DEPDC1B: variants seen among roughly 807,000 people sequenced by gnomAD.
DEPDC1B encodes DEP domain-containing protein 1B.
A neutral mutation model predicts 66.5 loss-of-function variants in DEPDC1B; 51 were observed. The ratio of observed to expected loss-of-function variants is 0.77; its 90% CI spans 0.61 to 0.97. The LOEUF (loss-of-function observed/expected upper bound fraction) is 0.97. Among genes scored for constraint, DEPDC1B ranks in the 50% least tolerant of loss-of-function variants. DEPDC1B has a pLI of 0.00. For synonymous variants in DEPDC1B, 226 were observed against 223.6 expected (o/e 1.01, Z -0.10); for missense variants, 552 against 637.1 (o/e 0.87, Z 1.44).
intron 2 of DEPDC1B, among the ~76,000 whole-genome samples, chr5:60,659,779 A>G (rs954356367): frequency 2.6e-5 from 4 of 152,116 alleles, no homozygotes; most frequent in African/African-American, 9.7e-5. Flanking sequence ...CTAGGTACTA[A>G]TGGTTCAGAC....
chr5:60,627,486 G>A (rs1314485564), intron 7 of DEPDC1B, among the ~76,000 whole-genome samples: 1 of 150,468 alleles, frequency 6.6e-6, no homozygotes, highest in Non-Finnish European at 1.5e-5. Context: ...TTATTATTTG[G>A]GTTCATTTCA....
rs568021171 is a variant in DEPDC1B, at chr5:60,653,963, T to C, written c.315-6430A>G. Among the ~76,000 whole-genome samples, 8 of 149,464 alleles carry C rather than the reference T, an allele frequency of 5.4e-5. 1 individual carries two copies. Among genetic ancestry groups the C allele is most frequent in the African/African-American group, 2.0e-4 (8 of 39,824 alleles). On this transcript the variant is annotated intron_variant, in intron 2 of 10. Coordinates refer to ENST00000265036, the MANE Select transcript of DEPDC1B (RefSeq NM_018369.3). ...TTCTCTATTCTGTTCCATTGCTCTA[T>C]GTGCCTATTTTCACAGCAATACCAT...
intron 2 of DEPDC1B, among the ~76,000 whole-genome samples, chr5:60,666,573 T>C (rs1451242885): frequency 6.6e-6 from 1 of 152,176 alleles, no homozygotes; most frequent in African/African-American, 2.4e-5. Flanking sequence ...TACTGGGCTC[T>C]GGACTGGTAC....
In DEPDC1B at chr5:60,700,098, C is replaced by T. The variant is rs1754754650; in HGVS notation, c.-5G>A. 1 of 1,551,706 alleles carries T rather than the reference C, an allele frequency of 6.4e-7. No homozygotes were observed. Among genetic ancestry groups the T allele is most frequent in the East Asian group, 2.4e-5 (1 of 41,210 alleles). On this transcript the variant is annotated 5_prime_UTR_variant, in exon 1 of 11. Coordinates refer to ENST00000265036, the MANE Select transcript of DEPDC1B (RefSeq NM_018369.3). Reference sequence around the variant, plus strand: ...CCCCACGATGCGATGCTCCATGGCGCGTAGGCAGCAGCGGCCGCAGCCGCG... The same window carrying T: ...CCCCACGATGCGATGCTCCATGGCGTGTAGGCAGCAGCGGCCGCAGCCGCG...
chr5:60,601,630 G>A (rs1261769393), intron 9 of DEPDC1B, among the ~76,000 whole-genome samples: 1 of 152,036 alleles, frequency 6.6e-6, no homozygotes, highest in East Asian at 1.9e-4. Context: ...GGGAAAGCAT[G>A]AAAACAATCT....
intron 1 of DEPDC1B, among the ~76,000 whole-genome samples, chr5:60,696,332 G>A (rs905494414): frequency 1.3e-5 from 2 of 152,066 alleles, no homozygotes; most frequent in East Asian, 3.8e-4. Context: ...TTTAAAAAGA[G>A]CATTTATAAA....
chr5:60,665,525 C>A (rs1048989901), intron 2 of DEPDC1B, among the ~76,000 whole-genome samples: 2 of 152,176 alleles, frequency 1.3e-5, no homozygotes, highest in African/African-American at 4.8e-5. Context: ...TACCGCAGGA[C>A]CCCTGGACCG....
At chr5:60,641,172 G>A (rs1273523933) in intron 6 of DEPDC1B, among the ~76,000 whole-genome samples, 1 of 152,080 alleles carries the variant, frequency 6.6e-6, no homozygotes, top group East Asian at 1.9e-4. Flanking sequence ...TAAGCTTTCT[G>A]CAGAAATTTT....
chr5:60,699,993 G>A, intron 1 of DEPDC1B, 53 bp downstream of exon 1: 1 of 1,542,682 alleles, frequency 6.5e-7, no homozygotes, highest in Non-Finnish European at 8.7e-7. Context: ...CGCGCGCTGA[G>A]TGGGGGCTCG....
chr5:60,604,658 T>C (rs1489121505), intron 8 of DEPDC1B, among the ~76,000 whole-genome samples: 2 of 152,156 alleles, frequency 1.3e-5, no homozygotes, highest in African/African-American at 4.8e-5. Flanking sequence ...TAACACTTCA[T>C]TAACACACTG....
intron 2 of DEPDC1B, among the ~76,000 whole-genome samples, chr5:60,656,184 G>A (rs997661761): frequency 1.0e-4 from 15 of 144,558 alleles, no homozygotes; most frequent in African/African-American, 2.0e-4. Flanking sequence ...TTTTTGAGAC[G>A]GAGTCTCACT....
intron 2 of DEPDC1B, among the ~76,000 whole-genome samples, chr5:60,656,153 A>C (rs1305211297): frequency 7.0e-6 from 1 of 142,964 alleles, no homozygotes; most frequent in Non-Finnish European, 1.5e-5. Flanking sequence ...GGTATAGTTT[A>C]AGTCCATTTT....
chr5:60,625,357 C>T (rs1249605806), intron 7 of DEPDC1B, among the ~76,000 whole-genome samples: 1 of 152,164 alleles, frequency 6.6e-6, no homozygotes, highest in African/African-American at 2.4e-5. Flanking sequence ...TACACTTCCA[C>T]CAACAGTGTA....
intron 7 of DEPDC1B, among the ~76,000 whole-genome samples, chr5:60,615,002 A>C: frequency 6.6e-6 from 1 of 152,184 alleles, no homozygotes; most frequent in South Asian, 2.1e-4. Context: ...AAAATAAATA[A>C]ATGAATAAAT....
intron 2 of DEPDC1B, among the ~76,000 whole-genome samples, chr5:60,655,857 C>T (rs563461633): frequency 2.7e-5 from 4 of 149,022 alleles, no homozygotes; most frequent in South Asian, 2.2e-4. Context: ...ATTTCCATCT[C>T]GATTTTGTTA....
chr5:60,661,080 T>C (rs1753704342), intron 2 of DEPDC1B, among the ~76,000 whole-genome samples: 1 of 152,230 alleles, frequency 6.6e-6, no homozygotes, highest in African/African-American at 2.4e-5. Context: ...AAAGGTTACC[T>C]ACACCCTCTC....
chr5:60,610,175 G>A (rs994204594), intron 7 of DEPDC1B, among the ~76,000 whole-genome samples: 2 of 152,212 alleles, frequency 1.3e-5, no homozygotes, highest in East Asian at 3.8e-4. Flanking sequence ...TGAAGGATAA[G>A]AATGACCCAT....
intron 7 of DEPDC1B, among the ~76,000 whole-genome samples, chr5:60,622,563 A>G (rs1016528548): frequency 1.3e-5 from 2 of 152,216 alleles, no homozygotes; most frequent in African/African-American, 4.8e-5. Flanking sequence ...ATAAATACCT[A>G]GGAATGAAAT....
chr5:60,608,412 C>A (rs1752352354), intron 7 of DEPDC1B, among the ~76,000 whole-genome samples: 2 of 149,954 alleles, frequency 1.3e-5, no homozygotes, highest in African/African-American at 4.9e-5. Context: ...GATAAACACT[C>A]AAATACCTAT....
Sources: gnomAD v4.1 joint callset for allele counts (sites outside exome capture counted in the v4.1 genomes callset) on GRCh38, gnomAD v4.1.1 for gene constraint, MANE v1.5 for transcripts, NCBI Gene and HGNC (gene_info 2026-07-23, HGNC 2026-07-21) for gene names.